Variants in IRAG1 observed in about 807,000 individuals in gnomAD.
IRAG1 encodes IP3R-associated cGMP kinase substrate.
IRAG1 carries 62 observed loss-of-function variants against 106.2 expected under a neutral mutation model. The observed-to-expected ratio is 0.58, with a 90% CI of 0.48 to 0.72. The LOEUF is 0.72. IRAG1 is among the 30% of genes least tolerant of loss of function. The probability of loss-of-function intolerance (pLI) is 0.00; values close to 1 mark genes in which losing one functional copy is unlikely to be tolerated. For synonymous variants in IRAG1, 462 were observed against 443.9 expected, an observed-to-expected ratio of 1.04 and a Z score of -0.51; for missense variants, 1,064 against 1,140.7, an observed-to-expected ratio of 0.93 and a Z score of 0.97.
Position 10,651,370 on chromosome 11 carries a change from G to T in IRAG1, c.225+655C>A, listed in dbSNP as rs1375336894. Among the ~76,000 whole-genome samples, 4 of 152,308 alleles carry T rather than the reference G, an allele frequency of 2.6e-5. No homozygotes were observed. The East Asian group carries it at 7.7e-4, about 29-fold the overall frequency. On this transcript the variant is annotated intron_variant, in intron 2 of 20. Transcript: ENST00000423302. ...TGCTGTAAAGTAAAATGTGAAGAGC[G>T]AGTTACTATGTGAACAGATCACTTT...
At chr11:10,582,144 G>A (rs552346457) in intron 18 of IRAG1, among the ~76,000 whole-genome samples, 158 bp from the exon 19 acceptor site, 2 of 152,158 alleles carry the variant, frequency 1.3e-5, no homozygotes, top group African/African-American at 4.8e-5. Flanking sequence ...CCTGAGACAA[G>A]ATTTTATAAA....
At chr11:10,690,480 G>T (rs2135280149) in intron 1 of IRAG1, 1 of 1,237,036 alleles carries the variant, frequency 8.1e-7, no homozygotes, top group South Asian at 1.4e-5. Context: ...ATGGGCGTGA[G>T]TTACCTCTGC....
intron 1 of IRAG1, among the ~76,000 whole-genome samples, chr11:10,653,849 T>C (rs767678518): frequency 3.3e-5 from 5 of 152,112 alleles, no homozygotes; most frequent in African/African-American, 1.2e-4. Context: ...CTTTTATTAG[T>C]GGGGTGGGCA....
chr11:10,634,114 T>A, intron 2 of IRAG1, 43 bp from the exon 3 acceptor site: 1 of 1,305,240 alleles, frequency 7.7e-7, no homozygotes, highest in Non-Finnish European at 1.1e-6. Context: ...CTTGGGCTGG[T>A]GGGACTTCCA....
intron 1 of IRAG1, among the ~76,000 whole-genome samples, chr11:10,674,980 G>A (rs922210662): frequency 1.3e-5 from 2 of 152,226 alleles, no homozygotes; most frequent in Non-Finnish European, 2.9e-5. Flanking sequence ...GGGGGCTTTG[G>A]ACGCCGTGCA....
chr11:10,691,045 G>A (rs1470082114), intron 1 of IRAG1, among the ~76,000 whole-genome samples: 1 of 152,144 alleles, frequency 6.6e-6, no homozygotes, highest in Admixed American at 6.5e-5. Flanking sequence ...GAGCGGCTGA[G>A]GGGCAGTCCA....
chr11:10,633,679 G>A (rs1463599516), intron 3 of IRAG1, among the ~76,000 whole-genome samples: 1 of 152,168 alleles, frequency 6.6e-6, no homozygotes. Context: ...GGGCCCCTGG[G>A]CATTAAATGT....
chr11:10,658,810 GGTCTGTGCTGTGGTTACCCCAT>G (rs1342010578), intron 1 of IRAG1, among the ~76,000 whole-genome samples: 1 of 151,564 alleles, frequency 6.6e-6, no homozygotes, highest in African/African-American at 2.4e-5. Flanking sequence ...CTCAGTCCTA[GGTCTGTGCTGTGGTTACCCCAT>G]GTCTGTGCTG....
chr11:10,627,198 G>A (rs1856310341), intron 8 of IRAG1, among the ~76,000 whole-genome samples: 1 of 152,150 alleles, frequency 6.6e-6, no homozygotes, highest in Non-Finnish European at 1.5e-5. Context: ...CCTCGTGTGT[G>A]CTGAGACTCT....
chr11:10,586,263 A>C (rs1851975727), intron 18 of IRAG1: 1 of 152,146 alleles, frequency 6.6e-6, no homozygotes. Flanking sequence ...CCTGACCTCT[A>C]AACTGAGCTT....
chr11:10,633,881 GA>G (rs1308995967), intron 3 of IRAG1, 86 bp downstream of exon 3: 9 of 722,262 alleles, frequency 1.2e-5, no homozygotes, highest in Admixed American at 3.6e-5. Flanking sequence ...CAAGAAAAAA[GA>G]AAAGATTTAT....
At chr11:10,622,591 A>T (rs993572887) in intron 10 of IRAG1, among the ~76,000 whole-genome samples, 30 of 151,668 alleles carry the variant, frequency 2.0e-4, no homozygotes, top group African/African-American at 7.0e-4. Context: ...TGCAGCCTTG[A>T]CCTCCCAGGC....
At chr11:10,674,841 G>A (rs763373429) in intron 1 of IRAG1, among the ~76,000 whole-genome samples, 7 of 152,198 alleles carry the variant, frequency 4.6e-5, no homozygotes, top group Non-Finnish European at 8.8e-5. Context: ...TCTTGCCCGG[G>A]TCCCTCTTCT....
rs779244898 is a variant in IRAG1, at chr11:10,652,037, G to C, written c.213C>G (p.Ser71Arg). ...AGGGGGCACTTACTTGGCCGGCAGG[G>C]CTCTGGGCTGCCTGTGGCTCTCCGG... ...EPPGEPQAAQ[S>R]PAGQGPPAAG... Residue 71 changes from serine to arginine, a missense_variant, in exon 2 of 21, where the codon AGC becomes AGG. Transcript: ENST00000423302. 1.4e-5 allele frequency: 22 copies of C among 1,577,452 alleles called. No individual in the cohort carries two copies. The Middle Eastern group carries it at 5.9e-4, about 43-fold the overall frequency.
chr11:10,627,500 C>T (rs560889830), intron 8 of IRAG1, among the ~76,000 whole-genome samples: 31 of 152,214 alleles, frequency 2.0e-4, no homozygotes, highest in African/African-American at 7.0e-4. Flanking sequence ...ATTGCCTCCA[C>T]GGAGTTCACC....
At chr11:10,616,836 A>G (rs1383056747) in intron 10 of IRAG1, among the ~76,000 whole-genome samples, 1 of 152,164 alleles carries the variant, frequency 6.6e-6, no homozygotes, top group Non-Finnish European at 1.5e-5. Context: ...GAATTTTTAG[A>G]TATGAACATA....
At chr11:10,680,352 A>G (rs1051085201) in intron 1 of IRAG1, among the ~76,000 whole-genome samples, 31 of 85,480 alleles carry the variant, frequency 3.6e-4, no homozygotes, top group African/African-American at 1.6e-3. Flanking sequence ...AAGGAAAGAA[A>G]GAAAGAAAGA....
chr11:10,628,059 A>G lies in IRAG1; in HGVS notation c.653-34T>C, dbSNP rs540660638. On this transcript the variant is annotated intron_variant, in intron 6 of 20. Coordinates refer to ENST00000423302, the MANE Select transcript of IRAG1 (RefSeq NM_130385.4). This position sits in a 1 kb window ranked among gnomAD's most constrained non-coding sequence, Gnocchi z 4.1. ...GTCCAGACACTAGTGAGTGAGGCCC[A>G]GCAGCCCAGGCCCTCAGCTGTGCTT... The G allele has an allele frequency of 8.7e-6, 14 of 1,611,800 alleles. No individual in the cohort carries two copies. The South Asian group carries it at 1.3e-4, about 15-fold the overall frequency.
intron 3 of IRAG1, 102 bp from the exon 4 acceptor site, chr11:10,632,163 T>C (rs1471422494): frequency 7.3e-6 from 6 of 817,340 alleles, no homozygotes; most frequent in African/African-American, 1.8e-5. Flanking sequence ...TCTTTCTTTC[T>C]TTGTTTCCTT....
Sources: allele counts gnomAD v4.1 joint callset (sites outside exome capture counted in the v4.1 genomes callset), GRCh38; gene constraint gnomAD v4.1.1; non-coding constraint Gnocchi (gnomAD v3.1); transcripts MANE v1.5; gene names NCBI Gene and HGNC (gene_info 2026-07-23, HGNC 2026-07-21).